Variants in UNC119B observed in about 807,000 individuals in gnomAD.
The protein encoded by UNC119B is unc-119 lipid binding chaperone B, also known as protein unc-119 homolog B.
In UNC119B, 16 loss-of-function variants were observed where a neutral mutation model predicts 23.4. The observed-to-expected ratio is 0.68, with a 90% CI of 0.46 to 1.04. The LOEUF is 1.04. Among genes scored for constraint, UNC119B ranks in the 50% least tolerant of loss-of-function variants. The pLI, the probability that UNC119B is intolerant of heterozygous loss-of-function variation, is 0.00. For missense variants in UNC119B, 350 were observed against 361.3 expected (o/e 0.97, Z 0.25); for synonymous variants, 144 against 145.4 (o/e 0.99, Z 0.07).
At chr12:120,715,740 T>C (rs1592927509) in intron 2 of UNC119B, among the ~76,000 whole-genome samples, 1 of 152,154 alleles carries the variant, frequency 6.6e-6, no homozygotes, top group East Asian at 1.9e-4. Flanking sequence ...TCCATGTTGG[T>C]CAGGCTGGTC....
chr12:120,712,203 A>C (rs61108232), intron 1 of UNC119B, among the ~76,000 whole-genome samples: 1 of 152,066 alleles, frequency 6.6e-6, no homozygotes, highest in Non-Finnish European at 1.5e-5. Context: ...GAGTCTGGCA[A>C]CCTCTTTGTT....
intron 1 of UNC119B, chr12:120,711,393 A>G (rs933521593): frequency 6.6e-6 from 1 of 152,270 alleles, no homozygotes; most frequent in African/African-American, 2.4e-5. Context: ...ATTCTCGTGA[A>G]TTAAGAATGA....
rs1882936607 is a variant in UNC119B, at chr12:120,722,583, A to T, written c.*2551A>T. The T allele has an allele frequency of 2.6e-5, 4 of 152,218 alleles. No homozygotes were observed. Among genetic ancestry groups the T allele is most frequent in the African/African-American group, 7.2e-5 (3 of 41,444 alleles). 9.4% of individuals were successfully genotyped at this position (152,218 alleles called of 1,614,324 possible). On this transcript the variant is annotated 3_prime_UTR_variant, in exon 5 of 5. Coordinates refer to ENST00000344651, the MANE Select transcript of UNC119B (RefSeq NM_001080533.3). ...GGCAAAAAAACTACCTGCATAGGAGACCCTGCCCTTTGTCAAGAGCTGGGA... is the reference window on the plus strand; with the variant it reads ...GGCAAAAAAACTACCTGCATAGGAGTCCCTGCCCTTTGTCAAGAGCTGGGA...
At chr12:120,712,451 G>T (rs1235197933) in intron 1 of UNC119B, among the ~76,000 whole-genome samples, 1 of 152,194 alleles carries the variant, frequency 6.6e-6, no homozygotes, top group Non-Finnish European at 1.5e-5. Flanking sequence ...AAAGAAATCA[G>T]TGAAATTTGC....
At chr12:120,714,056 G>A (rs1882721268) in intron 2 of UNC119B, among the ~76,000 whole-genome samples, 1 of 152,110 alleles carries the variant, frequency 6.6e-6, no homozygotes, top group Non-Finnish European at 1.5e-5. Context: ...AGAAGCCTTT[G>A]GAGCACCTCA....
intron 2 of UNC119B, among the ~76,000 whole-genome samples, chr12:120,714,682 G>A (rs914594914): frequency 3.9e-5 from 6 of 152,052 alleles, no homozygotes; most frequent in Non-Finnish European, 5.9e-5. Flanking sequence ...GGTCTGTGGT[G>A]TTCTCATCTC....
rs1258020836 is a variant in UNC119B, at chr12:120,710,791, A to G, written c.244+73A>G. On this transcript the variant is annotated intron_variant, in intron 1 of 4. Coordinates refer to ENST00000344651, the MANE Select transcript of UNC119B (RefSeq NM_001080533.3). Reference sequence around the variant, plus strand: ...CCCGGAGCCTTCAGCGGACCCGGCCACTTGACCAGCGCGGGGGTCCCCGCC... The same window carrying G: ...CCCGGAGCCTTCAGCGGACCCGGCCGCTTGACCAGCGCGGGGGTCCCCGCC... 3 of 1,256,936 alleles carry G rather than the reference A, an allele frequency of 2.4e-6. No homozygotes were observed. The African/African-American group carries it at 4.7e-5, about 20-fold the overall frequency. The allele number at this position is 1,256,936 out of a possible 1,614,324, so 77.9% of individuals were successfully genotyped here.
chr12:120,711,285 C>T (rs1205423632), intron 1 of UNC119B: 1 of 152,282 alleles, frequency 6.6e-6, no homozygotes, highest in African/African-American at 2.4e-5. Context: ...AAACACATAG[C>T]CGTGGCATTT....
Position 120,721,803 on chromosome 12 carries a change from C to A in UNC119B, c.*1771C>A, listed in dbSNP as rs1882909751. 1 of 152,724 alleles carries A rather than the reference C, an allele frequency of 6.5e-6. No homozygotes were observed. Among genetic ancestry groups the A allele is most frequent in the African/African-American group, 2.4e-5 (1 of 41,454 alleles). 9.5% of individuals were successfully genotyped at this position (152,724 alleles called of 1,614,324 possible). A position where few individuals can be genotyped will look rare whatever the true frequency, so the allele number is the denominator to read the frequency against. ...TGGCGTCCACTGTAAATCCAGGTGCCTTACGTGTGGCTCTGTCCCTTATGC... is the reference window on the plus strand; with the variant it reads ...TGGCGTCCACTGTAAATCCAGGTGCATTACGTGTGGCTCTGTCCCTTATGC... On this transcript the variant is annotated 3_prime_UTR_variant, in exon 5 of 5. Coordinates refer to ENST00000344651, the MANE Select transcript of UNC119B (RefSeq NM_001080533.3).
rs1328753942 is a variant in UNC119B at position 120,722,336 on chromosome 12, G to C, written c.*2304G>C. 3 of 152,478 alleles carry C rather than the reference G, an allele frequency of 2.0e-5. No homozygotes were observed. The highest frequency in any genetic ancestry group is 2.9e-5 in the Non-Finnish European group (2 of 68,270). The allele number at this position is 152,478 out of a possible 1,614,324, so 9.4% of individuals were successfully genotyped here. Reference sequence around the variant, plus strand: ...TGAAAGTCTGGTGTTCTGTATCTGGGGCTGTGGGTTCCTGTGTCTAGCTGC... The same window carrying C: ...TGAAAGTCTGGTGTTCTGTATCTGGCGCTGTGGGTTCCTGTGTCTAGCTGC... On this transcript the variant is annotated 3_prime_UTR_variant, in exon 5 of 5. Transcript: ENST00000344651.
In UNC119B at chr12:120,716,744, G is replaced by A; in HGVS notation, c.470+5G>A. On this transcript the variant is annotated splice_donor_5th_base_variant and intron_variant, in intron 3 of 4. Coordinates refer to ENST00000344651, the MANE Select transcript of UNC119B (RefSeq NM_001080533.3). ...CCTCCGGACAGTCGGGGCTACGTGA[G>A]TACCATTACTACCTGAGGGGAGAAC... 1 of 1,613,674 alleles carries A rather than the reference G, an allele frequency of 6.2e-7. No individual in the cohort carries two copies. The highest frequency in any genetic ancestry group is 8.5e-7 in the Non-Finnish European group (1 of 1,179,574).
chr12:120,717,036 G>C lies in UNC119B; in HGVS notation c.637G>C (p.Asp213His). The C allele has an allele frequency of 1.3e-6, 2 of 1,590,300 alleles. No homozygotes were observed. Among genetic ancestry groups the C allele is most frequent in the Non-Finnish European group, 1.7e-6 (2 of 1,167,204 alleles). The stretch of plus-strand genomic sequence containing the variant: ...CTATGAGTTTCCCCAGCTTTCGGAG[G>C]ATGTCAGTATGTATCCCCTGACCCT... ...HIYEFPQLSEDVIRLMIENPY... is the reference protein window; with the variant it reads ...HIYEFPQLSEHVIRLMIENPY... The change falls in exon 4 of 5, where the codon GAT becomes CAT. Residue 213 changes from aspartate to histidine, a missense_variant. Asp to His is a moderately conservative substitution (Grantham distance 81). Coordinates refer to ENST00000344651, the MANE Select transcript of UNC119B (RefSeq NM_001080533.3).
chr12:120,718,888 G>A (rs1882834217), intron 4 of UNC119B, among the ~76,000 whole-genome samples: 1 of 152,174 alleles, frequency 6.6e-6, no homozygotes, highest in Non-Finnish European at 1.5e-5. Context: ...TGAGATGTGG[G>A]GCAGGGTGTT....
At chr12:120,719,857 C>A in intron 4 of UNC119B, 63 bp from the exon 5 acceptor site, 2 of 1,204,550 alleles carry the variant, frequency 1.7e-6, no homozygotes, top group Non-Finnish European at 2.5e-6. Context: ...CTCCCACCTA[C>A]CCTGTGGGGC....
chr12:120,716,842 G>T, intron 3 of UNC119B, 28 bp from the exon 4 acceptor site: 5 of 1,605,248 alleles, frequency 3.1e-6, no homozygotes, highest in Non-Finnish European at 4.3e-6. Context: ...AGGAGGCAAA[G>T]TCGGGCTTAC....
rs1382431674 is a variant in UNC119B, at chr12:120,720,168, C to T, written c.*136C>T. The T allele has an allele frequency of 4.4e-5, 29 of 653,882 alleles. No individual in the cohort carries two copies. The highest frequency in any genetic ancestry group is 7.4e-5 in the Non-Finnish European group (28 of 377,684). The allele number at this position is 653,882 out of a possible 1,614,324, so 40.5% of individuals were successfully genotyped here. ...AAGCCAAGGCTGGGGTGGCAGTTTC[C>T]TGCGCGCCAAAGGAGCTGCCAAACA... On this transcript the variant is annotated 3_prime_UTR_variant, in exon 5 of 5. Coordinates refer to ENST00000344651, the MANE Select transcript of UNC119B (RefSeq NM_001080533.3).
Position 120,720,080 on chromosome 12 carries a change from C to A in UNC119B, c.*48C>A. On this transcript the variant is annotated 3_prime_UTR_variant, in exon 5 of 5. Transcript: ENST00000344651. Reference sequence around the variant, plus strand: ...AGGTGCTTTGCCGCGGCCACAAGATCCTGGCACACGGAGATGATCGAAGCT... The same window carrying A: ...AGGTGCTTTGCCGCGGCCACAAGATACTGGCACACGGAGATGATCGAAGCT... 1.4e-6 allele frequency: 2 copies of A among 1,383,476 alleles called. No homozygotes were observed. The highest frequency in any genetic ancestry group is 1.2e-5 in the South Asian group (1 of 85,116). 85.7% of individuals were successfully genotyped at this position (1,383,476 alleles called of 1,614,324 possible).
Position 120,710,505 on chromosome 12 carries a change from G to A in UNC119B, c.31G>A (p.Ala11Thr). Reference sequence around the variant, plus strand: ...CGGGTCTAACCCGAAGGCTGCGGCCGCGGCGTCGGCGGCTGGGCCCGGGGG... The same window carrying A: ...CGGGTCTAACCCGAAGGCTGCGGCCACGGCGTCGGCGGCTGGGCCCGGGGG... Reference protein sequence around the residue: MSGSNPKAAAAASAAGPGGLV... With the variant: MSGSNPKAAATASAAGPGGLV... The change falls in exon 1 of 5, where the codon GCG becomes ACG. Residue 11 changes from alanine (A) to threonine (T), a missense_variant. Transcript: ENST00000344651. 1 of 1,355,084 alleles carries A rather than the reference G, an allele frequency of 7.4e-7. No homozygotes were observed. The highest frequency in any genetic ancestry group is 9.4e-7 in the Non-Finnish European group (1 of 1,060,796). 83.9% of individuals were successfully genotyped at this position (1,355,084 alleles called of 1,614,324 possible).
chr12:120,714,546 C>T (rs528545491), intron 2 of UNC119B, among the ~76,000 whole-genome samples: 4 of 152,214 alleles, frequency 2.6e-5, no homozygotes, highest in African/African-American at 9.6e-5. Flanking sequence ...GTGTCAGACG[C>T]CTGACCTTTG....
Sources: gnomAD v4.1 joint callset for allele counts (sites outside exome capture counted in the v4.1 genomes callset) on GRCh38, gnomAD v4.1.1 for gene constraint, MANE v1.5 for transcripts, NCBI Gene and HGNC (gene_info 2026-07-23, HGNC 2026-07-21) for gene names.